The following PPP2R2B variants were observed in gnomAD, a reference collection of about 807,000 sequenced individuals.
PPP2R2B encodes the protein serine/threonine-protein phosphatase 2A 55 kDa regulatory subunit B beta isoform.
PPP2R2B carries 5 observed loss-of-function variants against 46.0 expected under a neutral mutation model. The observed-to-expected ratio is 0.11, with a 90% CI of 0.06 to 0.23. The LOEUF (loss-of-function observed/expected upper bound fraction) is 0.23, where lower values mean the gene tolerates loss of function less well. Ranked by LOEUF, PPP2R2B falls within the 10% of genes least tolerant of loss-of-function variation. The probability of loss-of-function intolerance (pLI) is 1.00; values close to 1 mark genes in which losing one functional copy is unlikely to be tolerated. For missense variants in PPP2R2B, 367 were observed against 575.0 expected (o/e 0.64, Z 3.70); for synonymous variants, 215 against 206.7 (o/e 1.04, Z -0.34).
At chr5:146,648,790 G>A (rs1775748698) in intron 6 of PPP2R2B, among the ~76,000 whole-genome samples, 1 of 152,144 alleles carries the variant, frequency 6.6e-6, no homozygotes, top group South Asian at 2.1e-4. Context: ...AGAGGGAACA[G>A]CAAATGCAAA....
intron 7 of PPP2R2B, among the ~76,000 whole-genome samples, chr5:146,626,324 A>G (rs369141819): frequency 1.7e-3 from 252 of 152,358 alleles, no homozygotes; most frequent in African/African-American, 5.5e-3. Flanking sequence ...ATTGTATGAT[A>G]AAATTCCCAC....
chr5:146,828,288 GT>G (rs1758707952), intron 2 of PPP2R2B, among the ~76,000 whole-genome samples: 1 of 150,582 alleles, frequency 6.6e-6, no homozygotes, highest in African/African-American at 2.4e-5. Context: ...TTCTCTTGCT[GT>G]TTCACATATA....
At chr5:146,819,843 T>C (rs534174356) in intron 2 of PPP2R2B, among the ~76,000 whole-genome samples, 1 of 152,240 alleles carries the variant, frequency 6.6e-6, no homozygotes, top group East Asian at 1.9e-4. Flanking sequence ...CCATTCACAA[T>C]AGCCAAGATA....
intron 1 of PPP2R2B, among the ~76,000 whole-genome samples, chr5:146,890,674 G>C (rs1275612905): frequency 1.3e-5 from 2 of 152,124 alleles, no homozygotes; most frequent in Non-Finnish European, 2.9e-5. Flanking sequence ...AATAAATATA[G>C]AGTAAAAATA....
intron 1 of PPP2R2B, among the ~76,000 whole-genome samples, chr5:146,950,667 C>T (rs1240607748): frequency 1.3e-5 from 2 of 152,014 alleles, no homozygotes; most frequent in East Asian, 3.9e-4. Context: ...ACATAGTATC[C>T]CTAGAAAGAC....
intron 1 of PPP2R2B, among the ~76,000 whole-genome samples, chr5:146,971,155 T>C (rs1752645174): frequency 6.6e-6 from 1 of 152,238 alleles, no homozygotes; most frequent in African/African-American, 2.4e-5. Flanking sequence ...TTTTCATTGA[T>C]AGCATCATAG....
intron 5 of PPP2R2B, among the ~76,000 whole-genome samples, chr5:146,682,971 A>G (rs406023): frequency 0.26 from 38,760 of 151,818 alleles, 7,031 homozygotes; most frequent in African/African-American, 0.51. Context: ...GAGAATCTCT[A>G]CTTTTGAGTA....
At chr5:147,028,635 G>T (rs1298863084) in intron 1 of PPP2R2B, among the ~76,000 whole-genome samples, 1 of 152,078 alleles carries the variant, frequency 6.6e-6, no homozygotes, top group Non-Finnish European at 1.5e-5. Flanking sequence ...GAACAGTACT[G>T]CTATGAACAT....
At chr5:146,663,274 C>T (rs979448930) in intron 5 of PPP2R2B, among the ~76,000 whole-genome samples, 14 of 152,168 alleles carry the variant, frequency 9.2e-5, no homozygotes, top group African/African-American at 3.1e-4. Flanking sequence ...CTATACTATG[C>T]TGCCTCTCAG....
chr5:146,664,969 T>G (rs1306809620), intron 5 of PPP2R2B, among the ~76,000 whole-genome samples: 2 of 150,470 alleles, frequency 1.3e-5, no homozygotes, highest in Non-Finnish European at 2.9e-5. Flanking sequence ...GTCTCAACAG[T>G]GGGTTTAAAA....
At chr5:146,856,357 C>T in intron 2 of PPP2R2B, 1 of 624,214 alleles carries the variant, frequency 1.6e-6, no homozygotes, top group South Asian at 2.3e-5. Flanking sequence ...TCCTACGGAA[C>T]AAATTTTAAG....
At chr5:146,866,843 T>A (rs1181534242) in intron 2 of PPP2R2B, among the ~76,000 whole-genome samples, 1 of 152,172 alleles carries the variant, frequency 6.6e-6, no homozygotes, top group East Asian at 1.9e-4. Context: ...GACCTCCAAG[T>A]AGCTGACACT....
chr5:147,077,385 A>C (rs1253234530), intron 2 of PPP2R2B, among the ~76,000 whole-genome samples: 2 of 151,710 alleles, frequency 1.3e-5, no homozygotes, highest in Non-Finnish European at 2.9e-5. Context: ...ACCTGAGGAA[A>C]ACTGAAGCAT....
At chr5:146,966,681 C>CGTATCCCT (rs1184560274) in intron 1 of PPP2R2B, among the ~76,000 whole-genome samples, 6 of 152,176 alleles carry the variant, frequency 3.9e-5, no homozygotes, top group African/African-American at 1.4e-4. Flanking sequence ...TATTCCTTTA[C>CGTATCCCT]GTATCCCTCG....
chr5:146,825,353 A>T (rs1758514397), intron 2 of PPP2R2B, among the ~76,000 whole-genome samples: 1 of 152,350 alleles, frequency 6.6e-6, no homozygotes, highest in Middle Eastern at 3.4e-3. Flanking sequence ...TTATTTGGAA[A>T]AAGAAAACAC....
In PPP2R2B at chr5:146,948,823, G is replaced by C. The variant is rs1365678002; in HGVS notation, c.79+106842C>G. On this transcript the variant is annotated intron_variant, in intron 1 of 8. Coordinates refer to the PPP2R2B transcript ENST00000336640. ...GTAGATACATTTGACAGGTAAATAA[G>C]TAACTATAATTGAGTGAATGTGCAA... 3.9e-5 allele frequency among the ~76,000 whole-genome samples: 6 copies of C among 152,194 alleles called. No individual in the cohort carries two copies. The East Asian group carries it at 1.2e-3, about 29-fold the overall frequency.
intron 7 of PPP2R2B, among the ~76,000 whole-genome samples, chr5:146,616,264 C>A (rs1773160624): frequency 6.6e-6 from 1 of 152,156 alleles, no homozygotes; most frequent in Non-Finnish European, 1.5e-5. Context: ...AAATCTAAGA[C>A]CTTAGAGCAT....
intron 5 of PPP2R2B, among the ~76,000 whole-genome samples, chr5:146,677,255 G>A (rs1777791180): frequency 6.6e-6 from 1 of 152,172 alleles, no homozygotes; most frequent in Admixed American, 6.5e-5. Flanking sequence ...AATAGTCAGT[G>A]TCCTTATTTA....
intron 7 of PPP2R2B, among the ~76,000 whole-genome samples, chr5:146,628,951 A>ATC (rs934124139): frequency 6.6e-6 from 1 of 152,104 alleles, no homozygotes; most frequent in Non-Finnish European, 1.5e-5. Flanking sequence ...CTCATACTTG[A>ATC]TCATCTGTAA....
Sources: allele counts gnomAD v4.1 joint callset (sites outside exome capture counted in the v4.1 genomes callset), GRCh38; gene constraint gnomAD v4.1.1; transcripts MANE v1.5; gene names NCBI Gene and HGNC (gene_info 2026-07-23, HGNC 2026-07-21).